NCKAP5: variants seen among roughly 807,000 people sequenced by gnomAD.
NCKAP5 encodes nck-associated protein 5.
In NCKAP5, 92 loss-of-function variants were observed where a neutral mutation model predicts 167.0. The ratio of observed to expected loss-of-function variants is 0.55; its 90% CI spans 0.47 to 0.66. The LOEUF (loss-of-function observed/expected upper bound fraction) is 0.66, where lower values mean the gene tolerates loss of function less well. NCKAP5 is among the 30% of genes least tolerant of loss of function. NCKAP5 has a pLI of 0.00. For missense variants in NCKAP5, 2,378 were observed against 2,315.0 expected (o/e 1.03, Z -0.56); for synonymous variants, 891 against 877.4 (o/e 1.02, Z -0.27).
At chr2:132,794,751 T>C (rs1376165788) in intron 12 of NCKAP5, among the ~76,000 whole-genome samples, 1 of 152,020 alleles carries the variant, frequency 6.6e-6, no homozygotes, top group African/African-American at 2.4e-5. Flanking sequence ...GGACCCTGTT[T>C]TACACTTCCT....
chr2:133,199,790 A>T (rs929728799), intron 5 of NCKAP5, among the ~76,000 whole-genome samples: 3 of 152,042 alleles, frequency 2.0e-5, no homozygotes, highest in African/African-American at 7.2e-5. Context: ...CTTAATTCAT[A>T]CCAGCCAAAA....
chr2:132,959,536 A>T (rs2076446825), intron 8 of NCKAP5, among the ~76,000 whole-genome samples: 1 of 152,138 alleles, frequency 6.6e-6, no homozygotes, highest in Non-Finnish European at 1.5e-5. Context: ...TTGGTCCCTG[A>T]GTGGAGAGAA....
chr2:132,875,673 A>C (rs1335913071), intron 9 of NCKAP5, among the ~76,000 whole-genome samples: 1 of 152,242 alleles, frequency 6.6e-6, no homozygotes, highest in Non-Finnish European at 1.5e-5. Flanking sequence ...CAATACTGTG[A>C]ATAAATAGCA....
At chr2:132,911,029 T>A (rs11893302) in intron 8 of NCKAP5, 19 of 186,772 alleles carry the variant, frequency 1.0e-4, no homozygotes, top group African/African-American at 1.9e-4. Context: ...CCATGTTGTC[T>A]TCTGACCGAC....
intron 7 of NCKAP5, among the ~76,000 whole-genome samples, chr2:132,964,306 AT>A (rs2076599250): frequency 6.6e-6 from 1 of 152,230 alleles, no homozygotes; most frequent in African/African-American, 2.4e-5. Flanking sequence ...AGAATATAAA[AT>A]ATCACAAAAT....
rs994390424 is a variant in NCKAP5, at chr2:133,318,776, C to T, written c.70-15666G>A. 7.9e-5 allele frequency among the ~76,000 whole-genome samples: 12 copies of T among 152,168 alleles called. 1 individual carries two copies. Among genetic ancestry groups the T allele is most frequent in the African/African-American group, 1.9e-4 (8 of 41,422 alleles). On this transcript the variant is annotated intron_variant, in intron 3 of 19. Coordinates refer to ENST00000409261, the MANE Select transcript of NCKAP5 (RefSeq NM_207363.3). ...GCAATGGTGCAATGCAATAACTCAG[C>T]GCTGCCCTTCACATGATGGTGGCTG... is the stretch of plus-strand genomic sequence containing the variant.
At chr2:133,520,055 G>A (rs1684347074) in intron 2 of NCKAP5, among the ~76,000 whole-genome samples, 1 of 152,180 alleles carries the variant, frequency 6.6e-6, no homozygotes, top group South Asian at 2.1e-4. Flanking sequence ...GCTGGGCATG[G>A]TGGTGAGCAC....
At chr2:133,516,858 A>C (rs1281021457) in intron 3 of NCKAP5, among the ~76,000 whole-genome samples, 6 of 152,254 alleles carry the variant, frequency 3.9e-5, no homozygotes, top group Non-Finnish European at 7.3e-5. Context: ...TGGCCCAGAG[A>C]CTGCAGAAGA....
At chr2:133,309,614 G>A (rs533721091) in intron 3 of NCKAP5, among the ~76,000 whole-genome samples, 1 of 152,336 alleles carries the variant, frequency 6.6e-6, no homozygotes, top group South Asian at 2.1e-4. Context: ...ATTTCAGGAA[G>A]TTTGCCTTTC....
intron 4 of NCKAP5, among the ~76,000 whole-genome samples, chr2:133,286,849 G>C (rs1211906059): frequency 1.3e-5 from 2 of 152,152 alleles, no homozygotes; most frequent in African/African-American, 4.8e-5. Flanking sequence ...CCTTTAACAG[G>C]AATGGTACAC....
At chr2:133,078,655 C>T (rs1419820759) in intron 6 of NCKAP5, among the ~76,000 whole-genome samples, 4 of 152,166 alleles carry the variant, frequency 2.6e-5, no homozygotes, top group Admixed American at 6.5e-5. Context: ...CCTCATGCTC[C>T]CCATTTATAC....
At chr2:133,344,053 G>A (rs1276129758) in intron 3 of NCKAP5, among the ~76,000 whole-genome samples, 1 of 152,116 alleles carries the variant, frequency 6.6e-6, no homozygotes, top group Non-Finnish European at 1.5e-5. Flanking sequence ...CTTTTAGGCA[G>A]GTGTCAGTCA....
intron 3 of NCKAP5, among the ~76,000 whole-genome samples, chr2:133,372,855 T>C (rs1358462994): frequency 6.6e-6 from 1 of 152,192 alleles, no homozygotes; most frequent in African/African-American, 2.4e-5. Flanking sequence ...GACTAGTTAC[T>C]ATGACAGGCA....
At chr2:133,210,931 C>T (rs1195902923) in intron 5 of NCKAP5, among the ~76,000 whole-genome samples, 1 of 152,108 alleles carries the variant, frequency 6.6e-6, no homozygotes, top group African/African-American at 2.4e-5. Flanking sequence ...TGGTTCCCAT[C>T]TCTCAAAGCA....
intron 8 of NCKAP5, among the ~76,000 whole-genome samples, chr2:132,916,476 G>A (rs978847296): frequency 2.6e-5 from 4 of 152,024 alleles, no homozygotes; most frequent in South Asian, 2.1e-4. Context: ...TTACAAAAAG[G>A]CTTGTACTGT....
intron 16 of NCKAP5, among the ~76,000 whole-genome samples, chr2:132,766,074 G>C (rs1681451641): frequency 6.6e-6 from 1 of 151,922 alleles, no homozygotes; most frequent in Non-Finnish European, 1.5e-5. Context: ...GAGGTAAGGA[G>C]ATCAAAACCA....
chr2:133,612,142 A>G, the NCKAP5 span, among the ~76,000 whole-genome samples: 17 of 152,296 alleles, frequency 1.1e-4, no homozygotes, highest in East Asian at 1.9e-3. Context: ...AATAGCTCCA[A>G]TGATGACCTT....
At chr2:133,096,772 A>G (rs1238460227) in intron 6 of NCKAP5, among the ~76,000 whole-genome samples, 2 of 152,154 alleles carry the variant, frequency 1.3e-5, no homozygotes, top group Non-Finnish European at 2.9e-5. Context: ...AAGTTCATAC[A>G]AGTTCAAAGG....
At chr2:132,912,072 T>C (rs577480915) in intron 8 of NCKAP5, among the ~76,000 whole-genome samples, 101 of 152,312 alleles carry the variant, frequency 6.6e-4, no homozygotes, top group African/African-American at 2.2e-3. Context: ...CATAGTTTTC[T>C]ACTCAGCAGA....
Sources: gnomAD v4.1 joint callset for allele counts (sites outside exome capture counted in the v4.1 genomes callset) on GRCh38, gnomAD v4.1.1 for gene constraint, MANE v1.5 for transcripts, NCBI Gene and HGNC (gene_info 2026-07-23, HGNC 2026-07-21) for gene names.